The following CCDC88A variants were observed in gnomAD, a reference collection of about 807,000 sequenced individuals.
CCDC88A encodes girdin.
CCDC88A carries 54 observed loss-of-function variants against 234.3 expected under a neutral mutation model. That is an observed-to-expected ratio of 0.23 (90% CI 0.19 to 0.29). The LOEUF (loss-of-function observed/expected upper bound fraction) is 0.29, where lower values mean the gene tolerates loss of function less well. Ranked by LOEUF, CCDC88A falls within the 10% of genes least tolerant of loss-of-function variation. The pLI is 1.00. For synonymous variants in CCDC88A, 753 were observed against 737.8 expected, an observed-to-expected ratio of 1.02 and a Z score of -0.33; for missense variants, 1,832 against 2,123.4, an observed-to-expected ratio of 0.86 and a Z score of 2.70.
intron 31 of CCDC88A, chr2:55,294,502 T>G: frequency 1.1e-6 from 1 of 943,660 alleles, no homozygotes; most frequent in Non-Finnish European, 1.3e-6. Context: ...ATTAACTATT[T>G]CTTTAAAACA....
intron 2 of CCDC88A, among the ~76,000 whole-genome samples, chr2:55,410,812 G>C (rs1307490474): frequency 6.6e-6 from 1 of 151,940 alleles, no homozygotes; most frequent in Non-Finnish European, 1.5e-5. Context: ...AGGATCGTTT[G>C]AGCCCAGGAG....
chr2:55,326,638 C>T (rs917988209), intron 17 of CCDC88A, among the ~76,000 whole-genome samples: 2 of 152,176 alleles, frequency 1.3e-5, no homozygotes, highest in Admixed American at 6.5e-5. Context: ...TGTCAGCTCA[C>T]TGCAACCTCT....
intron 18 of CCDC88A, among the ~76,000 whole-genome samples, chr2:55,319,812 ACAG>A (rs1023269161): frequency 3.3e-5 from 5 of 152,208 alleles, no homozygotes; most frequent in African/African-American, 1.2e-4. Flanking sequence ...AAAATCAACA[ACAG>A]CAAAGTATAA....
chr2:55,332,397 T>C lies in CCDC88A; in HGVS notation c.2855+169A>G, dbSNP rs921901678. ...TCAGCCTCCCAAAGTGCTGGGATTATAGGTGTGAGCCACCGCACCCGGCTA... is the reference window on the plus strand; with the variant it reads ...TCAGCCTCCCAAAGTGCTGGGATTACAGGTGTGAGCCACCGCACCCGGCTA... On this transcript the variant is annotated intron_variant, in intron 16 of 32. Transcript: ENST00000436346. This position sits in a 1 kb window ranked among gnomAD's most constrained non-coding sequence, Gnocchi z 4.5. 18 of 1,214,462 alleles carry C rather than the reference T, an allele frequency of 1.5e-5. No homozygotes were observed. In the African/African-American group the frequency reaches 1.6e-4, roughly 11 times the overall value. 75.2% of individuals were successfully genotyped at this position (1,214,462 alleles called of 1,614,324 possible).
At chr2:55,407,303 T>C (rs1305309541) in intron 2 of CCDC88A, among the ~76,000 whole-genome samples, 3 of 152,030 alleles carry the variant, frequency 2.0e-5, no homozygotes, top group Non-Finnish European at 4.4e-5. Context: ...ATAAGGATTA[T>C]GTTAATATAA....
At chr2:55,402,231 T>C (rs1678822165) in intron 2 of CCDC88A, among the ~76,000 whole-genome samples, 1 of 152,174 alleles carries the variant, frequency 6.6e-6, no homozygotes, top group Non-Finnish European at 1.5e-5. Context: ...AGAACATTTT[T>C]ATAACTTTTC....
At chr2:55,361,644 C>A (rs1671335485) in intron 7 of CCDC88A, among the ~76,000 whole-genome samples, 2 of 152,164 alleles carry the variant, frequency 1.3e-5, no homozygotes, top group South Asian at 4.1e-4. Context: ...GCTATATATT[C>A]TGCAGAATGG....
chr2:55,405,480 C>T (rs1159017593), intron 2 of CCDC88A: 1 of 152,200 alleles, frequency 6.6e-6, no homozygotes, highest in African/African-American at 2.4e-5. Flanking sequence ...TTTTCAAATA[C>T]CTGCTTGGGA....
At chr2:55,370,092 C>T (rs530018402) in intron 5 of CCDC88A, among the ~76,000 whole-genome samples, 23 of 152,138 alleles carry the variant, frequency 1.5e-4, no homozygotes, top group Non-Finnish European at 2.2e-4. Context: ...ATTCTGGCAC[C>T]ACAATAGATG....
At chr2:55,342,820 T>C (rs1372707491) in intron 12 of CCDC88A, among the ~76,000 whole-genome samples, 1 of 152,172 alleles carries the variant, frequency 6.6e-6, no homozygotes, top group Non-Finnish European at 1.5e-5. Context: ...ACGTCAACAT[T>C]ATGTCCTTGG....
chr2:55,380,354 G>A (rs1438090311), intron 3 of CCDC88A, among the ~76,000 whole-genome samples: 2 of 152,142 alleles, frequency 1.3e-5, no homozygotes, highest in African/African-American at 4.8e-5. Flanking sequence ...TAGAGATTTT[G>A]AATGTTTTCA....
intron 18 of CCDC88A, among the ~76,000 whole-genome samples, chr2:55,319,500 AG>A (rs1298222343): frequency 6.6e-6 from 1 of 152,170 alleles, no homozygotes; most frequent in African/African-American, 2.4e-5. Flanking sequence ...TTCAAAGGGA[AG>A]CAGGTTTACA....
At chr2:55,387,788 A>AG (rs1180999225) in intron 3 of CCDC88A, among the ~76,000 whole-genome samples, 2 of 151,032 alleles carry the variant, frequency 1.3e-5, no homozygotes, top group African/African-American at 4.8e-5. Context: ...TCAAAAAAAA[A>AG]AAAAAAAAAA....
chr2:55,328,989 CG>C lies in CCDC88A; in HGVS notation c.2856-555del, dbSNP rs1684603240. The C allele has an allele frequency of 6.6e-6, 1 of 152,220 alleles. No individual in the cohort carries two copies. Among genetic ancestry groups the C allele is most frequent in the Non-Finnish European group, 1.5e-5 (1 of 68,144 alleles). 9.4% of individuals were successfully genotyped at this position (152,220 alleles called of 1,614,324 possible). On this transcript the variant is annotated intron_variant, in intron 16 of 32. Transcript: ENST00000436346. This position sits in a 1 kb window ranked among gnomAD's most constrained non-coding sequence, Gnocchi z 4.3. ...TTCACCATGTTGATCAGGCTGGTCT[CG>C]AACTCCCGACCTCAGGTGATCCACC...
intron 25 of CCDC88A, among the ~76,000 whole-genome samples, chr2:55,306,688 C>T (rs991457762): frequency 2.6e-5 from 4 of 152,044 alleles, no homozygotes; most frequent in East Asian, 3.9e-4. Context: ...CAGGTTCAAG[C>T]GATTCTCCTG....
At chr2:55,323,193 A>G (rs1252308387) in intron 17 of CCDC88A, 1 of 152,212 alleles carries the variant, frequency 6.6e-6, no homozygotes, top group African/African-American at 2.4e-5. Context: ...CTCATCATAC[A>G]TGACCAAATT....
In CCDC88A at chr2:55,360,508, G is replaced by GTCTGTAGTAGGAC. The variant is rs534498030; in HGVS notation, c.627+1799_627+1800insGTCCTACTACAGA. Among the ~76,000 whole-genome samples, 413 of 152,302 alleles carry GTCTGTAGTAGGAC rather than the reference G, an allele frequency of 2.7e-3. 2 individuals carry two copies. Among genetic ancestry groups the GTCTGTAGTAGGAC allele is most frequent in the African/African-American group, 9.5e-3 (396 of 41,572 alleles). On this transcript the variant is annotated intron_variant, in intron 7 of 32. Transcript: ENST00000436346. ...TCCTCCACCCTCTCCCAGCTAGCAA[G>GTCTGTAGTAGGAC]TTGTTTCCCAAGTATCTGAGACAGA...
intron 9 of CCDC88A, among the ~76,000 whole-genome samples, chr2:55,347,092 CATT>C (rs1179777740): frequency 6.6e-6 from 1 of 151,992 alleles, no homozygotes; most frequent in Non-Finnish European, 1.5e-5. Flanking sequence ...TAAAATAAAT[CATT>C]AATTACTGTA....
At chr2:55,388,754 C>CTATT in intron 3 of CCDC88A, 24 bp downstream of exon 3, 1 of 893,118 alleles carries the variant, frequency 1.1e-6, no homozygotes, top group South Asian at 1.5e-5. Flanking sequence ...ATTAAAACCC[C>CTATT]AGATTTTTAA....
Sources: allele counts gnomAD v4.1 joint callset (sites outside exome capture counted in the v4.1 genomes callset), GRCh38; gene constraint gnomAD v4.1.1; non-coding constraint Gnocchi (gnomAD v3.1); transcripts MANE v1.5; gene names NCBI Gene and HGNC (gene_info 2026-07-23, HGNC 2026-07-21).